RICTOR: variants seen among roughly 807,000 people sequenced by gnomAD.
The protein encoded by RICTOR is RPTOR independent companion of MTOR complex 2.
RICTOR carries 49 observed loss-of-function variants against 214.9 expected under a neutral mutation model. The ratio of observed to expected loss-of-function variants is 0.23; its 90% CI spans 0.18 to 0.29. RICTOR has a LOEUF of 0.29. RICTOR is among the 10% of genes least tolerant of loss of function. The probability of loss-of-function intolerance (pLI) is 1.00; values close to 1 mark genes in which losing one functional copy is unlikely to be tolerated. For synonymous variants in RICTOR, 717 were observed against 711.3 expected (o/e 1.01, Z -0.13); for missense variants, 1,625 against 2,047.0 (o/e 0.79, Z 3.98).
chr5:39,073,090 T>C (rs769064793), intron 2 of RICTOR, among the ~76,000 whole-genome samples: 2 of 152,206 alleles, frequency 1.3e-5, no homozygotes, highest in East Asian at 3.8e-4. Flanking sequence ...AGGTACGACA[T>C]AGGGTAAAAA....
intron 24 of RICTOR, 105 bp downstream of exon 24, chr5:38,958,338 G>GTAAA (rs1424746949): frequency 4.2e-6 from 3 of 711,202 alleles, no homozygotes; most frequent in Non-Finnish European, 7.4e-6. Context: ...ATATTAAAAG[G>GTAAA]TAAACTCTTC....
intron 9 of RICTOR, 116 bp from the exon 10 acceptor site, chr5:38,975,720 A>G: frequency 1.6e-6 from 1 of 610,364 alleles, no homozygotes; most frequent in Non-Finnish European, 2.7e-6. Context: ...ATTTACACAT[A>G]AAATTAAAAC....
chr5:38,985,399 C>T (rs1225110479), intron 7 of RICTOR, among the ~76,000 whole-genome samples: 1 of 151,984 alleles, frequency 6.6e-6, no homozygotes, highest in Non-Finnish European at 1.5e-5. Flanking sequence ...TGGTTCAATC[C>T]ACAGATGTGG....
At chr5:38,997,723 A>C (rs1158068693) in intron 5 of RICTOR, among the ~76,000 whole-genome samples, 2 of 152,200 alleles carry the variant, frequency 1.3e-5, no homozygotes, top group East Asian at 1.9e-4. Flanking sequence ...CTGAAAAAAG[A>C]AGCACAGGGA....
chr5:39,041,315 A>C (rs563553350), intron 2 of RICTOR, among the ~76,000 whole-genome samples: 1 of 152,334 alleles, frequency 6.6e-6, no homozygotes, highest in South Asian at 2.1e-4. Flanking sequence ...TATCTTCAGA[A>C]AACAGGATGA....
intron 2 of RICTOR, among the ~76,000 whole-genome samples, chr5:39,043,987 A>T (rs1026320886): frequency 1.3e-5 from 2 of 152,158 alleles, no homozygotes; most frequent in Non-Finnish European, 2.9e-5. Flanking sequence ...AAATTACCCA[A>T]TTTCAGGTAT....
chr5:38,949,928 G>A lies in RICTOR; in HGVS notation c.3920C>T (p.Ser1307Phe), dbSNP rs1367871779. The change falls in exon 31 of 38, where the codon TCT becomes TTT. Residue 1307 changes from serine to phenylalanine, a missense_variant. Ser to Phe is a radical substitution (Grantham distance 155). Transcript: ENST00000357387. Reference sequence around the variant, plus strand: ...TGCTAGACTTTTAATTGTAGCAATAGAGGGTGCTTTAAGGGACTGTGCTCT... The same window carrying A: ...TGCTAGACTTTTAATTGTAGCAATAAAGGGTGCTTTAAGGGACTGTGCTCT... ...PRRAQSLKAP[S>F]IATIKSLADC... 1 of 1,613,490 alleles carries A rather than the reference G, an allele frequency of 6.2e-7. No homozygotes were observed. The highest frequency in any genetic ancestry group is 8.5e-7 in the Non-Finnish European group (1 of 1,179,570).
In RICTOR at chr5:38,939,472, A is replaced by G. The variant is rs982934822; in HGVS notation, c.*2832T>C. 8 of 232,116 alleles carry G rather than the reference A, an allele frequency of 3.4e-5. No individual in the cohort carries two copies. Among genetic ancestry groups the G allele is most frequent in the Non-Finnish European group, 6.8e-5 (8 of 117,462 alleles). The allele number at this position is 232,116 out of a possible 1,614,324, so 14.4% of individuals were successfully genotyped here. On this transcript the variant is annotated 3_prime_UTR_variant, in exon 38 of 38. Transcript: ENST00000357387. ...ACAGACTGTTTCCCCCTTCCAATCT[A>G]CCTAAGAATAAACAGGAAATAAAAG...
intron 26 of RICTOR, 111 bp downstream of exon 26, chr5:38,955,484 G>A: frequency 1.5e-6 from 1 of 667,652 alleles, no homozygotes; most frequent in Admixed American, 2.5e-5. Context: ...AATTAATGCT[G>A]CGCATTAAGA....
intron 7 of RICTOR, among the ~76,000 whole-genome samples, chr5:38,989,620 T>C: frequency 6.6e-6 from 1 of 152,060 alleles, no homozygotes; most frequent in East Asian, 1.9e-4. Flanking sequence ...AAAGGGCTAA[T>C]ATCCAGAATC....
intron 3 of RICTOR, among the ~76,000 whole-genome samples, chr5:39,005,972 GT>G (rs1470702987): frequency 1.3e-5 from 2 of 152,174 alleles, no homozygotes; most frequent in African/African-American, 4.8e-5. Context: ...TAGGTTTTAA[GT>G]TTCTCATCCC....
intron 3 of RICTOR, among the ~76,000 whole-genome samples, chr5:39,017,698 A>G (rs1356987016): frequency 3.9e-5 from 6 of 152,160 alleles, no homozygotes; most frequent in Non-Finnish European, 8.8e-5. Flanking sequence ...TATTTATTGC[A>G]CAATACTACA....
chr5:39,012,093 C>T (rs919294354), intron 3 of RICTOR, among the ~76,000 whole-genome samples: 1 of 152,126 alleles, frequency 6.6e-6, no homozygotes, highest in Admixed American at 6.5e-5. Flanking sequence ...GGTGGGATCA[C>T]GTGAAAATAC....
At chr5:39,074,015 C>G in intron 2 of RICTOR, 96 bp downstream of exon 2, 1 of 884,148 alleles carries the variant, frequency 1.1e-6, no homozygotes, top group Non-Finnish European at 1.5e-6. Flanking sequence ...CCCCGCCGGT[C>G]CCGTGCGGGG....
intron 8 of RICTOR, 121 bp downstream of exon 8, chr5:38,981,746 G>A: frequency 1.6e-6 from 1 of 618,004 alleles, no homozygotes; most frequent in East Asian, 2.9e-5. Context: ...ATAAATTAGT[G>A]TCGGCTAATT....
intron 3 of RICTOR, among the ~76,000 whole-genome samples, chr5:39,018,183 T>A (rs930835295): frequency 6.6e-6 from 1 of 152,092 alleles, no homozygotes; most frequent in Non-Finnish European, 1.5e-5. Context: ...AATCCACTCA[T>A]CAAACTCAAG....
At position 38,955,606 on chromosome 5, in the gene RICTOR, C is replaced by T. The variant is rs1307723076; in HGVS notation, c.2598G>A (p.Arg866=). Residue 866 remains arginine (R), a synonymous_variant, in exon 26 of 38, where the codon CGG becomes CGA. Coordinates refer to ENST00000357387, the MANE Select transcript of RICTOR (RefSeq NM_152756.5). ...KPVDGDNYVR[R]SNQRLQRPHV... ...AACTGGGTACGCACCTTTGGTTACTCCGACGAACATAGTTATCACCATCAA... is the reference window on the plus strand; with the variant it reads ...AACTGGGTACGCACCTTTGGTTACTTCGACGAACATAGTTATCACCATCAA... 5.0e-6 allele frequency: 8 copies of T among 1,588,554 alleles called. No individual in the cohort carries two copies. The Admixed American group carries it at 1.2e-4, about 23-fold the overall frequency.
chr5:39,037,165 A>G (rs1002858234), intron 2 of RICTOR, among the ~76,000 whole-genome samples: 18 of 152,294 alleles, frequency 1.2e-4, no homozygotes, highest in Non-Finnish European at 2.4e-4. Context: ...TAAGAAACTC[A>G]CTCAAAACCA....
chr5:38,966,779 T>C (rs1750265580), intron 14 of RICTOR, 58 bp from the exon 15 acceptor site: 3 of 930,834 alleles, frequency 3.2e-6, no homozygotes, highest in Non-Finnish European at 3.3e-6. Context: ...AAAACATTTA[T>C]GCATCAGATT....
Sources: allele counts gnomAD v4.1 joint callset (sites outside exome capture counted in the v4.1 genomes callset), GRCh38; gene constraint gnomAD v4.1.1; transcripts MANE v1.5; gene names NCBI Gene and HGNC (gene_info 2026-07-23, HGNC 2026-07-21).